Variants in HS6ST3 observed in about 807,000 individuals in gnomAD.
The protein encoded by HS6ST3 is heparan-sulfate 6-O-sulfotransferase 3.
A neutral mutation model predicts 36.7 loss-of-function variants in HS6ST3; 12 were observed. The observed-to-expected ratio is 0.33, with a 90% CI of 0.21 to 0.53. The LOEUF (loss-of-function observed/expected upper bound fraction) is 0.53. HS6ST3 is among the 20% of genes least tolerant of loss of function. The probability of loss-of-function intolerance (pLI) is 0.95; values close to 1 mark genes in which losing one functional copy is unlikely to be tolerated. For missense variants in HS6ST3, 584 were observed against 640.9 expected (o/e 0.91, Z 0.96); for synonymous variants, 240 against 257.5 (o/e 0.93, Z 0.65).
At chr13:96,653,796 A>T (rs892149161) in intron 1 of HS6ST3, among the ~76,000 whole-genome samples, 3 of 152,208 alleles carry the variant, frequency 2.0e-5, no homozygotes, top group African/African-American at 7.2e-5. Flanking sequence ...TGTCTACCAC[A>T]ATGGTTGAAC....
At chr13:96,114,278 A>G (rs2053883748) in intron 1 of HS6ST3, among the ~76,000 whole-genome samples, 1 of 152,008 alleles carries the variant, frequency 6.6e-6, no homozygotes, top group Non-Finnish European at 1.5e-5. Context: ...CAGTCACCTG[A>G]GTAGCTTGGG....
intron 1 of HS6ST3, among the ~76,000 whole-genome samples, chr13:96,373,621 A>G (rs1400976642): frequency 6.6e-6 from 1 of 152,198 alleles, no homozygotes; most frequent in Non-Finnish European, 1.5e-5. Context: ...GGGACTGTTT[A>G]GATTTTTTTC....
intron 1 of HS6ST3, among the ~76,000 whole-genome samples, chr13:96,583,953 A>G (rs184874193): frequency 6.6e-6 from 1 of 152,328 alleles, no homozygotes; most frequent in East Asian, 1.9e-4. Context: ...AGTGACAATT[A>G]AAAATGTCTT....
rs1031918249 is a variant in HS6ST3, at chr13:96,783,558, G to A, written c.708-48932G>A. Among the ~76,000 whole-genome samples the A allele has an allele frequency of 2.7e-5, 4 of 150,620 alleles. No homozygotes were observed. The East Asian group carries it at 7.8e-4, about 29-fold the overall frequency. ...TCCCCTCCTCAACTATGGGGCATTA[G>A]AAAAATAAAGCTTTTTTTTTTTTTT... On this transcript the variant is annotated intron_variant, in intron 1 of 1. Transcript: ENST00000376705.
intron 1 of HS6ST3, among the ~76,000 whole-genome samples, chr13:96,236,326 T>C (rs1400111540): frequency 6.6e-6 from 1 of 152,148 alleles, no homozygotes; most frequent in African/African-American, 2.4e-5. Flanking sequence ...TTCAATCCAA[T>C]CAAGTTGACA....
At chr13:96,379,343 G>T in intron 1 of HS6ST3, among the ~76,000 whole-genome samples, 1 of 152,164 alleles carries the variant, frequency 6.6e-6, no homozygotes, top group Middle Eastern at 3.2e-3. Context: ...CCTCCCGGAT[G>T]TGACTAGTGT....
chr13:96,398,049 G>A (rs1400900568), intron 1 of HS6ST3, among the ~76,000 whole-genome samples: 2 of 152,124 alleles, frequency 1.3e-5, no homozygotes, highest in African/African-American at 4.8e-5. Flanking sequence ...CCTTGTGCAA[G>A]CCACTTAACC....
At chr13:96,692,496 G>A (rs894309200) in intron 1 of HS6ST3, among the ~76,000 whole-genome samples, 2 of 152,126 alleles carry the variant, frequency 1.3e-5, no homozygotes, top group Non-Finnish European at 2.9e-5. Context: ...AGAACCAACT[G>A]TATATTCAAG....
intron 1 of HS6ST3, among the ~76,000 whole-genome samples, chr13:96,399,380 A>G (rs1395498631): frequency 6.6e-6 from 1 of 152,164 alleles, no homozygotes; most frequent in Admixed American, 6.5e-5. Flanking sequence ...GAGAAAATTT[A>G]ATCACATATG....
At chr13:96,601,287 C>T (rs1270284315) in intron 1 of HS6ST3, among the ~76,000 whole-genome samples, 1 of 151,912 alleles carries the variant, frequency 6.6e-6, no homozygotes, top group Non-Finnish European at 1.5e-5. Flanking sequence ...TTTTCTTCTC[C>T]CTCAGGAATA....
At chr13:96,590,019 A>AT (rs1330196611) in intron 1 of HS6ST3, among the ~76,000 whole-genome samples, 4 of 152,124 alleles carry the variant, frequency 2.6e-5, no homozygotes, top group African/African-American at 9.6e-5. Flanking sequence ...ACAGGATCTC[A>AT]TTTTTTATGG....
chr13:96,800,713 C>T (rs184689095), intron 1 of HS6ST3, among the ~76,000 whole-genome samples: 8 of 152,058 alleles, frequency 5.3e-5, no homozygotes, highest in African/African-American at 1.2e-4. Context: ...ATAAAGTCCC[C>T]GAGATCCTAC....
intron 1 of HS6ST3, among the ~76,000 whole-genome samples, chr13:96,122,055 A>G (rs2053928106): frequency 6.6e-6 from 1 of 151,738 alleles, no homozygotes; most frequent in Non-Finnish European, 1.5e-5. Context: ...GAGCTGGCTA[A>G]TGCAAGAGAT....
chr13:96,748,493 A>G (rs1411797400), intron 1 of HS6ST3, among the ~76,000 whole-genome samples: 1 of 152,146 alleles, frequency 6.6e-6, no homozygotes, highest in African/African-American at 2.4e-5. Context: ...ACCGTGGCTA[A>G]TCTTACACAG....
intron 1 of HS6ST3, among the ~76,000 whole-genome samples, chr13:96,745,526 A>G (rs1045897449): frequency 1.3e-5 from 2 of 152,118 alleles, no homozygotes. Context: ...GGAGCCATTT[A>G]CATTTCAGCA....
At chr13:96,576,139 C>T (rs551389340) in intron 1 of HS6ST3, among the ~76,000 whole-genome samples, 127 of 152,224 alleles carry the variant, frequency 8.3e-4, no homozygotes, top group Middle Eastern at 3.4e-3. Context: ...TTCTAGGCAT[C>T]GCCGTCAAGT....
chr13:96,161,114 A>G (rs907630554), intron 1 of HS6ST3, among the ~76,000 whole-genome samples: 2 of 152,330 alleles, frequency 1.3e-5, no homozygotes, highest in Admixed American at 6.5e-5. Flanking sequence ...TCCAGTGCCT[A>G]TTATATGCTG....
chr13:96,637,921 G>C (rs952406492), intron 1 of HS6ST3, among the ~76,000 whole-genome samples: 1 of 152,072 alleles, frequency 6.6e-6, no homozygotes, highest in Non-Finnish European at 1.5e-5. Context: ...CTCTGGTTTA[G>C]AAGCCACTTA....
chr13:96,552,918 A>G (rs2056225048), intron 1 of HS6ST3, among the ~76,000 whole-genome samples: 1 of 152,200 alleles, frequency 6.6e-6, no homozygotes. Context: ...GGCAGAAGAG[A>G]TAAGTCCAGT....
Sources: gnomAD v4.1 joint callset for allele counts (sites outside exome capture counted in the v4.1 genomes callset) on GRCh38, gnomAD v4.1.1 for gene constraint, MANE v1.5 for transcripts, NCBI Gene and HGNC (gene_info 2026-07-23, HGNC 2026-07-21) for gene names.